SNTG1: variants seen among roughly 807,000 people sequenced by gnomAD.
SNTG1 encodes syntrophin gamma 1.
SNTG1 carries 39 observed loss-of-function variants against 74.7 expected under a neutral mutation model. That is an observed-to-expected ratio of 0.52 (90% CI 0.40 to 0.68). The LOEUF (loss-of-function observed/expected upper bound fraction) is 0.68, where lower values mean the gene tolerates loss of function less well. Ranked by LOEUF, SNTG1 falls within the 30% of genes least tolerant of loss-of-function variation. SNTG1 has a pLI of 0.00. For missense variants in SNTG1, 685 were observed against 609.5 expected, an observed-to-expected ratio of 1.12 and a Z score of -1.30; for synonymous variants, 254 against 217.1, an observed-to-expected ratio of 1.17 and a Z score of -1.49.
chr8:50,522,391 G>T (rs951258947), intron 9 of SNTG1, among the ~76,000 whole-genome samples: 5 of 152,020 alleles, frequency 3.3e-5, no homozygotes, highest in African/African-American at 1.2e-4. Context: ...CAGATATGCT[G>T]CCATCTAGGC....
At chr8:50,705,939 C>A (rs1300941177) in intron 16 of SNTG1, among the ~76,000 whole-genome samples, 1 of 152,212 alleles carries the variant, frequency 6.6e-6, no homozygotes, top group East Asian at 1.9e-4. Flanking sequence ...CACACATGGA[C>A]ACTTAATTTT....
At chr8:50,731,043 G>A (rs1324162507) in intron 17 of SNTG1, among the ~76,000 whole-genome samples, 1 of 152,066 alleles carries the variant, frequency 6.6e-6, no homozygotes, top group Non-Finnish European at 1.5e-5. Flanking sequence ...TAAGAATCTT[G>A]CCCAAAGTCA....
At chr8:50,048,895 T>C (rs1292639239) in intron 1 of SNTG1, among the ~76,000 whole-genome samples, 1 of 152,104 alleles carries the variant, frequency 6.6e-6, no homozygotes, top group Non-Finnish European at 1.5e-5. Flanking sequence ...ATTCTTTACA[T>C]TGAAATTTGC....
At chr8:50,428,126 C>T (rs2093186985) in intron 4 of SNTG1, among the ~76,000 whole-genome samples, 1 of 152,090 alleles carries the variant, frequency 6.6e-6, no homozygotes, top group Non-Finnish European at 1.5e-5. Context: ...CCAGCCTAGA[C>T]AACATAAACT....
chr8:50,721,464 A>C (rs1222102785), intron 17 of SNTG1, among the ~76,000 whole-genome samples: 1 of 152,206 alleles, frequency 6.6e-6, no homozygotes, highest in African/African-American at 2.4e-5. Flanking sequence ...CAGCATTATT[A>C]TAAGAAGAAG....
chr8:50,561,761 C>T (rs2094489788), intron 12 of SNTG1, among the ~76,000 whole-genome samples: 1 of 152,104 alleles, frequency 6.6e-6, no homozygotes, highest in African/African-American at 2.4e-5. Context: ...TCATGCTCAG[C>T]CTTTATTTTA....
At chr8:50,184,949 C>T (rs1423511602) in intron 2 of SNTG1, among the ~76,000 whole-genome samples, 1 of 151,894 alleles carries the variant, frequency 6.6e-6, no homozygotes, top group Non-Finnish European at 1.5e-5. Context: ...TATGATTGTT[C>T]TTTTTTAACA....
At chr8:50,321,890 G>C (rs2090545181) in intron 2 of SNTG1, among the ~76,000 whole-genome samples, 1 of 151,896 alleles carries the variant, frequency 6.6e-6, no homozygotes, top group African/African-American at 2.4e-5. Context: ...ACTTTTTACT[G>C]TCTATGTCTT....
At chr8:50,656,204 T>C (rs1351915897) in intron 13 of SNTG1, among the ~76,000 whole-genome samples, 1 of 152,168 alleles carries the variant, frequency 6.6e-6, no homozygotes, top group Admixed American at 6.6e-5. Context: ...ATGTCATACT[T>C]ATTTGTTAAG....
intron 12 of SNTG1, among the ~76,000 whole-genome samples, chr8:50,589,633 A>G (rs1403985668): frequency 2.0e-5 from 3 of 152,102 alleles, no homozygotes; most frequent in African/African-American, 4.8e-5. Flanking sequence ...TACATAGTAC[A>G]TTATTGAAGA....
At chr8:49,949,971 A>C (rs923470115) in intron 1 of SNTG1, among the ~76,000 whole-genome samples, 1 of 152,178 alleles carries the variant, frequency 6.6e-6, no homozygotes, top group African/African-American at 2.4e-5. Context: ...TAATAAAGAT[A>C]CAAAAATTAG....
intron 2 of SNTG1, among the ~76,000 whole-genome samples, chr8:50,366,917 G>A (rs913961158): frequency 2.8e-4 from 41 of 146,280 alleles, no homozygotes; most frequent in African/African-American, 8.5e-4. Context: ...ATATAGTATA[G>A]GTCTATACTA....
chr8:50,051,441 T>G (rs1016238535), intron 1 of SNTG1, among the ~76,000 whole-genome samples: 1 of 152,138 alleles, frequency 6.6e-6, no homozygotes, highest in Non-Finnish European at 1.5e-5. Flanking sequence ...ATGAATAAAT[T>G]TAATGAAAAA....
chr8:50,309,764 T>C (rs1273432598), intron 2 of SNTG1, among the ~76,000 whole-genome samples: 3 of 152,198 alleles, frequency 2.0e-5, no homozygotes, highest in Non-Finnish European at 4.4e-5. Flanking sequence ...AATTTAGCTT[T>C]AACCAGTTAT....
At chr8:50,118,961 C>G (rs2131346121) in intron 1 of SNTG1, among the ~76,000 whole-genome samples, 1 of 140,312 alleles carries the variant, frequency 7.1e-6, no homozygotes, top group East Asian at 2.0e-4. Context: ...AATTCTACTT[C>G]TAACTACCTC....
intron 1 of SNTG1, among the ~76,000 whole-genome samples, chr8:50,165,702 G>A (rs1285431132): frequency 6.6e-6 from 1 of 152,142 alleles, no homozygotes; most frequent in Non-Finnish European, 1.5e-5. Flanking sequence ...GATAGTAACA[G>A]AAACCCTGGA....
intron 13 of SNTG1, among the ~76,000 whole-genome samples, chr8:50,623,837 A>G (rs1449761045): frequency 2.0e-5 from 3 of 151,922 alleles, no homozygotes; most frequent in Non-Finnish European, 4.4e-5. Flanking sequence ...TGTTTATATC[A>G]TATGTAATTT....
intron 2 of SNTG1, among the ~76,000 whole-genome samples, chr8:50,330,789 A>T (rs933854565): frequency 2.0e-5 from 3 of 152,146 alleles, no homozygotes; most frequent in African/African-American, 7.2e-5. Flanking sequence ...GACAGACAGC[A>T]TGTGGGGAGG....
intron 2 of SNTG1, among the ~76,000 whole-genome samples, chr8:50,382,781 A>C (rs1387602898): frequency 6.6e-6 from 1 of 152,210 alleles, no homozygotes; most frequent in African/African-American, 2.4e-5. Flanking sequence ...TAGAATATCT[A>C]TGTATGTGTA....
Sources: allele counts gnomAD v4.1 joint callset (sites outside exome capture counted in the v4.1 genomes callset), GRCh38; gene constraint gnomAD v4.1.1; transcripts MANE v1.5; gene names NCBI Gene and HGNC (gene_info 2026-07-23, HGNC 2026-07-21).